Variants in SH3GL3 observed in about 807,000 individuals in gnomAD.
SH3GL3 encodes endophilin-A3.
SH3GL3 carries 33 observed loss-of-function variants against 47.7 expected under a neutral mutation model. That is an observed-to-expected ratio of 0.69 (90% CI 0.52 to 0.92). SH3GL3 has a LOEUF of 0.92. Ranked by LOEUF, SH3GL3 falls within the 40% of genes least tolerant of loss-of-function variation. SH3GL3 has a pLI of 0.00. For missense variants in SH3GL3, 363 were observed against 417.8 expected, an observed-to-expected ratio of 0.87 and a Z score of 1.14; for synonymous variants, 155 against 148.8, an observed-to-expected ratio of 1.04 and a Z score of -0.30.
chr15:83,485,017 C>T (rs1304719561), intron 1 of SH3GL3, among the ~76,000 whole-genome samples: 1 of 152,126 alleles, frequency 6.6e-6, no homozygotes. Flanking sequence ...TGAGGCCATC[C>T]TGATTTGTAT....
intron 1 of SH3GL3, among the ~76,000 whole-genome samples, chr15:83,515,147 A>G (rs1471966396): frequency 6.6e-6 from 1 of 152,100 alleles, no homozygotes; most frequent in Non-Finnish European, 1.5e-5. Context: ...TTGTTTTGCT[A>G]CTAAGTTTTT....
At chr15:83,558,188 A>G (rs1376696275) in intron 1 of SH3GL3, among the ~76,000 whole-genome samples, 2 of 152,014 alleles carry the variant, frequency 1.3e-5, no homozygotes, top group Non-Finnish European at 2.9e-5. Flanking sequence ...TCTTCTTCCA[A>G]TTTGTCTTCC....
intron 1 of SH3GL3, among the ~76,000 whole-genome samples, chr15:83,533,284 A>G (rs891407748): frequency 6.6e-6 from 1 of 152,168 alleles, no homozygotes; most frequent in Non-Finnish European, 1.5e-5. Context: ...GTAAATGTTG[A>G]TGTGAGTGGG....
At chr15:83,542,309 T>C (rs2044206721) in intron 1 of SH3GL3, among the ~76,000 whole-genome samples, 1 of 152,176 alleles carries the variant, frequency 6.6e-6, no homozygotes, top group Admixed American at 6.5e-5. Context: ...CTGGGTTCTT[T>C]GTTTTGTTCC....
At chr15:83,559,431 A>T in intron 2 of SH3GL3, 110 bp downstream of exon 2, 1 of 710,636 alleles carries the variant, frequency 1.4e-6, no homozygotes, top group Non-Finnish European at 2.5e-6. Flanking sequence ...GTTTAAATAT[A>T]GGTGTGGATT....
chr15:83,537,885 C>G (rs2043985230), intron 1 of SH3GL3, among the ~76,000 whole-genome samples: 1 of 152,052 alleles, frequency 6.6e-6, no homozygotes, highest in African/African-American at 2.4e-5. Context: ...ATGCCTCTCT[C>G]TCTATAGATA....
At chr15:83,580,110 G>A (rs1237586084) in intron 6 of SH3GL3, among the ~76,000 whole-genome samples, 2 of 152,182 alleles carry the variant, frequency 1.3e-5, no homozygotes, top group Non-Finnish European at 2.9e-5. Context: ...TGGCCTTGTA[G>A]CCCATGGGAC....
chr15:83,483,309 G>T (rs2041451764), intron 1 of SH3GL3, among the ~76,000 whole-genome samples: 1 of 152,202 alleles, frequency 6.6e-6, no homozygotes, highest in African/African-American at 2.4e-5. Flanking sequence ...AACTTTCTGT[G>T]CTGATGGAAA....
At chr15:83,449,853 G>A (rs1471433041) in intron 1 of SH3GL3, among the ~76,000 whole-genome samples, 2 of 151,824 alleles carry the variant, frequency 1.3e-5, no homozygotes, top group Admixed American at 6.6e-5. Flanking sequence ...ATATGTTCTA[G>A]AAGTCTTTCT....
chr15:83,516,151 A>G (rs947248766), intron 1 of SH3GL3, among the ~76,000 whole-genome samples: 4 of 152,110 alleles, frequency 2.6e-5, no homozygotes, highest in Non-Finnish European at 4.4e-5. Flanking sequence ...GCAAGGCTCA[A>G]TTTCATGATG....
At chr15:83,512,551 C>T (rs906323936) in intron 1 of SH3GL3, among the ~76,000 whole-genome samples, 5 of 152,130 alleles carry the variant, frequency 3.3e-5, no homozygotes, top group Admixed American at 2.6e-4. Flanking sequence ...ATTGGGCTTT[C>T]CTGCACATTA....
chr15:83,549,935 T>C lies in SH3GL3; in HGVS notation c.46-9318T>C, dbSNP rs926903068. ...TAGATGTATCACTCCCCTCAATGCA[T>C]TTCCCTTCCTCCAGATTTTGGCCCC... On this transcript the variant is annotated intron_variant, in intron 1 of 8. Coordinates refer to ENST00000427482, the MANE Select transcript of SH3GL3 (RefSeq NM_003027.5). 5.9e-5 allele frequency among the ~76,000 whole-genome samples: 9 copies of C among 152,296 alleles called. 1 individual carries two copies. In the South Asian group the frequency reaches 6.2e-4, roughly 11 times the overall value.
At chr15:83,576,552 C>T in intron 5 of SH3GL3, 31 bp from the exon 6 acceptor site, 1 of 1,561,132 alleles carries the variant, frequency 6.4e-7, no homozygotes, top group Non-Finnish European at 8.6e-7. Context: ...AATGTAGCAC[C>T]TCTCTGAGGG....
At chr15:83,629,672 T>C in the SH3GL3 span, among the ~76,000 whole-genome samples, 2 of 152,094 alleles carry the variant, frequency 1.3e-5, no homozygotes, top group African/African-American at 4.8e-5. Context: ...AGTTAAAAAT[T>C]ATCCAGGTAC....
At position 83,568,653 on chromosome 15, in the gene SH3GL3, C is replaced by G; in HGVS notation, c.312C>G (p.Leu104=). 2 of 1,613,666 alleles carry G rather than the reference C, an allele frequency of 1.2e-6. No individual in the cohort carries two copies. Among genetic ancestry groups the G allele is most frequent in the Non-Finnish European group, 1.7e-6 (2 of 1,179,702 alleles). ...GDCMLKYGKE[L]GEDSTFGNAL... ...GTATGCTGAAATACGGGAAGGAGCT[C>G]GGGGAAGACTCCACCTTTGGTGAGT... The change falls in exon 4 of 9, where the codon CTC becomes CTG. Residue 104 remains leucine (L), a synonymous_variant. Coordinates refer to ENST00000427482, the MANE Select transcript of SH3GL3 (RefSeq NM_003027.5).
At chr15:83,471,254 T>G (rs2040817631) in intron 1 of SH3GL3, among the ~76,000 whole-genome samples, 1 of 152,190 alleles carries the variant, frequency 6.6e-6, no homozygotes, top group Non-Finnish European at 1.5e-5. Context: ...GATATTTACT[T>G]TGGATATAAG....
At chr15:83,490,639 G>T (rs377703040) in intron 1 of SH3GL3, 6 of 788,060 alleles carry the variant, frequency 7.6e-6, no homozygotes, top group African/African-American at 1.7e-5. Flanking sequence ...AGTATATGAC[G>T]GTGGTCACTG....
At chr15:83,580,365 CT>C (rs1017833718) in intron 6 of SH3GL3, among the ~76,000 whole-genome samples, 4 of 152,208 alleles carry the variant, frequency 2.6e-5, no homozygotes, top group Non-Finnish European at 4.4e-5. Flanking sequence ...GTGTTTCTAC[CT>C]GATCTGGTAC....
intron 1 of SH3GL3, among the ~76,000 whole-genome samples, chr15:83,487,620 T>C (rs1567263269): frequency 6.6e-6 from 1 of 152,284 alleles, no homozygotes; most frequent in East Asian, 1.9e-4. Flanking sequence ...GACTGTTGTG[T>C]TTCTCCTTCC....
Sources: allele counts gnomAD v4.1 joint callset (sites outside exome capture counted in the v4.1 genomes callset), GRCh38; gene constraint gnomAD v4.1.1; transcripts MANE v1.5; gene names NCBI Gene and HGNC (gene_info 2026-07-23, HGNC 2026-07-21).